The following ERBIN variants were observed in gnomAD, a reference collection of about 807,000 sequenced individuals.
The protein encoded by ERBIN is erbb2 interacting protein, also known as densin-180-like protein.
A neutral mutation model predicts 158.4 loss-of-function variants in ERBIN; 60 were observed. The observed-to-expected ratio is 0.38, with a 90% confidence interval of 0.31 to 0.47. The LOEUF is 0.47. ERBIN is among the 20% of genes least tolerant of loss of function. The pLI, the probability that ERBIN is intolerant of heterozygous loss-of-function variation, is 0.99. For missense variants in ERBIN, 1,610 were observed against 1,648.0 expected (o/e 0.98, Z 0.40); for synonymous variants, 594 against 557.2 (o/e 1.07, Z -0.93).
intron 21 of ERBIN, 26 bp downstream of exon 21, chr5:66,054,977 TTTTC>T: frequency 6.6e-7 from 1 of 1,521,206 alleles, no homozygotes; most frequent in Non-Finnish European, 8.8e-7. Flanking sequence ...TTTTTCATTA[TTTTC>T]TTTATGAACT....
rs1342335867 is a variant in ERBIN, at chr5:66,068,964, G to A, written c.3634-3205G>A. 5 of 1,535,628 alleles carry A rather than the reference G, an allele frequency of 3.3e-6. No individual in the cohort carries two copies. In the Admixed American group the frequency reaches 7.9e-5, roughly 24 times the overall value. On this transcript the variant is annotated intron_variant, in intron 21 of 25. Coordinates refer to ENST00000284037, the MANE Select transcript of ERBIN (RefSeq NM_001253697.2). ...CTCTAGGGATCTGCATGGCAGCCAG[G>A]GCAGTCTTGCCTTGAGTGTTGCAGA... is the stretch of plus-strand genomic sequence containing the variant.
chr5:65,931,112 T>G (rs562419506), intron 1 of ERBIN, among the ~76,000 whole-genome samples: 2 of 152,360 alleles, frequency 1.3e-5, no homozygotes, highest in South Asian at 4.1e-4. Flanking sequence ...TTATTATAGC[T>G]TTAAAAGCAT....
At chr5:65,952,474 C>T (rs59297152) in intron 1 of ERBIN, among the ~76,000 whole-genome samples, 6,088 of 152,146 alleles carry the variant, frequency 0.04, 411 homozygotes, top group African/African-American at 0.14. Context: ...ATCTTACCAC[C>T]TCAGCCTGCC....
intron 14 of ERBIN, among the ~76,000 whole-genome samples, chr5:66,031,133 A>G (rs1318509939): frequency 6.6e-6 from 1 of 152,198 alleles, no homozygotes; most frequent in Non-Finnish European, 1.5e-5. Flanking sequence ...TAATTTTGCT[A>G]TGAAAGAATG....
intron 21 of ERBIN, among the ~76,000 whole-genome samples, chr5:66,067,004 T>A (rs190434561): frequency 1.3e-4 from 20 of 152,356 alleles, no homozygotes; most frequent in Non-Finnish European, 1.0e-4. Flanking sequence ...TCTAAAGGGT[T>A]AATCAGGCCA....
intron 1 of ERBIN, among the ~76,000 whole-genome samples, chr5:65,932,522 T>G (rs1003120789): frequency 4.6e-5 from 7 of 152,184 alleles, no homozygotes; most frequent in Non-Finnish European, 8.8e-5. Flanking sequence ...AACACAGTTT[T>G]GACCTGGAAG....
Position 65,994,806 on chromosome 5 carries a change from G to T in ERBIN, c.249G>T (p.Thr83=). 6.2e-7 allele frequency: 1 copy of T among 1,608,478 alleles called. No homozygotes were observed. Among genetic ancestry groups the T allele is most frequent in the Non-Finnish European group, 8.5e-7 (1 of 1,178,316 alleles). The change falls in exon 4 of 26, where the codon ACG becomes ACT. Residue 83 remains threonine (T), a synonymous_variant. Coordinates refer to ENST00000284037, the MANE Select transcript of ERBIN (RefSeq NM_001253697.2). ...KLSLPDNDLT[T]LPASIANLIN... ...GTTTGCCAGACAATGATTTAACAAC[G>T]TTACCAGCATCCATTGCAAACCTTA...
chr5:65,947,133 T>C (rs1279390482), intron 1 of ERBIN, among the ~76,000 whole-genome samples: 1 of 152,198 alleles, frequency 6.6e-6, no homozygotes, highest in Non-Finnish European at 1.5e-5. Context: ...TTTTATGGAT[T>C]GTGCTTCTGT....
chr5:65,941,336 C>A (rs56006829), intron 1 of ERBIN, among the ~76,000 whole-genome samples: 15 of 119,788 alleles, frequency 1.3e-4, no homozygotes, highest in Middle Eastern at 4.3e-3. Context: ...AAAAAAAGAA[C>A]AATACAAATA....
Position 66,044,157 on chromosome 5 carries a change from T to C in ERBIN, c.1449T>C (p.Tyr483=), listed in dbSNP as rs763444819. ...APPREGNLKR[Y]PTPYPDELKN... ...TCTAGGAGGGAAATTTAAAAAGATATCCAACACCATACCCAGATGAGCTTA... is the reference window on the plus strand; with the variant it reads ...TCTAGGAGGGAAATTTAAAAAGATACCCAACACCATACCCAGATGAGCTTA... Residue 483 remains tyrosine, a synonymous_variant, in exon 17 of 26, where the codon TAT becomes TAC. Transcript: ENST00000284037. 11 of 1,566,684 alleles carry C rather than the reference T, an allele frequency of 7.0e-6. No individual in the cohort carries two copies. In the Middle Eastern group the frequency reaches 5.1e-4, roughly 73 times the overall value.
At chr5:66,067,095 G>T (rs550925661) in intron 21 of ERBIN, among the ~76,000 whole-genome samples, 4 of 151,300 alleles carry the variant, frequency 2.6e-5, no homozygotes, top group African/African-American at 4.9e-5. Context: ...TGATTTCTTT[G>T]TTTTTTTTTA....
intron 1 of ERBIN, among the ~76,000 whole-genome samples, chr5:65,977,400 C>T (rs1316521496): frequency 3.4e-5 from 5 of 148,566 alleles, no homozygotes; most frequent in Non-Finnish European, 7.4e-5. Flanking sequence ...ACTTCTCAGA[C>T]GGGGCGGCTG....
chr5:65,975,909 A>C (rs1749803063), intron 1 of ERBIN, among the ~76,000 whole-genome samples: 1 of 152,178 alleles, frequency 6.6e-6, no homozygotes, highest in Admixed American at 6.5e-5. Context: ...TTCTCTTTGT[A>C]AGGATAGACT....
intron 1 of ERBIN, among the ~76,000 whole-genome samples, chr5:65,980,941 C>T (rs929275169): frequency 6.6e-6 from 1 of 152,198 alleles, no homozygotes. Context: ...CAACTGTCAA[C>T]CAATTTTATC....
At position 66,018,671 on chromosome 5, in the gene ERBIN, C is replaced by G. The variant is rs567918841; in HGVS notation, c.534-2651C>G. 7.4e-5 allele frequency among the ~76,000 whole-genome samples: 10 copies of G among 135,414 alleles called. 1 individual carries two copies. In the South Asian group the frequency reaches 1.4e-3, roughly 19 times the overall value. The allele number at this position is 135,414 out of a possible 152,430, so 88.8% of individuals were successfully genotyped here. Reference sequence around the variant, plus strand: ...TTTGTGTGTGTGATGAAGTCTTGCTCTGTCACCCAGGTTGGAGTGCAGTGG... The same window carrying G: ...TTTGTGTGTGTGATGAAGTCTTGCTGTGTCACCCAGGTTGGAGTGCAGTGG... On this transcript the variant is annotated intron_variant, in intron 7 of 25. Coordinates refer to ENST00000284037, the MANE Select transcript of ERBIN (RefSeq NM_001253697.2).
At chr5:66,040,780 G>A (rs1580437001) in intron 15 of ERBIN, among the ~76,000 whole-genome samples, 2 of 151,722 alleles carry the variant, frequency 1.3e-5, no homozygotes, top group Admixed American at 6.6e-5. Context: ...TTTGTGACAG[G>A]TATCGTGCTA....
At chr5:65,963,901 GCCA>G (rs1339874742) in intron 1 of ERBIN, among the ~76,000 whole-genome samples, 1 of 150,532 alleles carries the variant, frequency 6.6e-6, no homozygotes, top group African/African-American at 2.4e-5. Context: ...AAATATAAAA[GCCA>G]TTCTCCTGCC....
chr5:66,006,358 G>T (rs1418816348), intron 4 of ERBIN, among the ~76,000 whole-genome samples: 2 of 152,182 alleles, frequency 1.3e-5, no homozygotes, highest in Admixed American at 6.5e-5. Context: ...AGCTGAAACT[G>T]GATCCCTTCC....
At position 66,039,069 on chromosome 5, in the gene ERBIN, CTA is replaced by C. The variant is rs993373444; in HGVS notation, c.1306+589_1306+590del. ...GTTTATTGTGTTACACTTAAAGTAA[CTA>C]TTTTTTATGTATCTTCTTTCTGACA... On this transcript the variant is annotated intron_variant, in intron 15 of 25. Transcript: ENST00000284037. Among the ~76,000 whole-genome samples the C allele has an allele frequency of 6.6e-5, 10 of 151,484 alleles. No individual in the cohort carries two copies. In the South Asian group the frequency reaches 1.0e-3, roughly 16 times the overall value.
Sources: allele counts gnomAD v4.1 joint callset (sites outside exome capture counted in the v4.1 genomes callset), GRCh38; gene constraint gnomAD v4.1.1; transcripts MANE v1.5; gene names NCBI Gene and HGNC (gene_info 2026-07-23, HGNC 2026-07-21).